Variants in CENPA observed in about 807,000 individuals in gnomAD.
CENPA encodes histone H3-like centromeric protein A.
CENPA carries 7 observed loss-of-function variants against 17.2 expected under a neutral mutation model. The observed-to-expected ratio is 0.41, with a 90% CI of 0.23 to 0.76. The LOEUF (loss-of-function observed/expected upper bound fraction) is 0.76, where lower values mean the gene tolerates loss of function less well. CENPA is among the 30% of genes least tolerant of loss of function. CENPA has a pLI of 0.34. For synonymous variants in CENPA, 82 were observed against 77.4 expected (o/e 1.06, Z -0.31); for missense variants, 149 against 193.1 (o/e 0.77, Z 1.35).
At chr2:26,787,773 T>C (rs1309490436) in intron 1 of CENPA, among the ~76,000 whole-genome samples, 1 of 152,204 alleles carries the variant, frequency 6.6e-6, no homozygotes. Context: ...ATGGGATTTT[T>C]TTTCTTTCCC....
intron 2 of CENPA, chr2:26,792,516 C>G: frequency 1.4e-6 from 1 of 713,260 alleles, no homozygotes; most frequent in Non-Finnish European, 2.6e-6. Flanking sequence ...CTTTTCCTAT[C>G]CTGGGAGATT....
intron 1 of CENPA, among the ~76,000 whole-genome samples, chr2:26,789,008 T>C (rs368315335): frequency 2.0e-5 from 3 of 152,278 alleles, no homozygotes; most frequent in African/African-American, 7.2e-5. Flanking sequence ...GGCAGGAGTG[T>C]TTCCTTGACC....
At chr2:26,787,493 G>A (rs1020564865) in intron 1 of CENPA, among the ~76,000 whole-genome samples, 1 of 151,760 alleles carries the variant, frequency 6.6e-6, no homozygotes, top group Admixed American at 6.6e-5. Flanking sequence ...GGGATTACAG[G>A]CGTGAGCCAC....
At chr2:26,793,370 A>T in intron 4 of CENPA, 44 bp downstream of exon 4, 9 of 1,520,016 alleles carry the variant, frequency 5.9e-6, no homozygotes, top group Non-Finnish European at 8.0e-6. Flanking sequence ...GAATTTCTCA[A>T]GTAATTTCCT....
chr2:26,791,734 T>G (rs1007327843), intron 1 of CENPA, among the ~76,000 whole-genome samples: 1 of 152,208 alleles, frequency 6.6e-6, no homozygotes, highest in African/African-American at 2.4e-5. Flanking sequence ...GATCTAAGAC[T>G]TGTACAAAGT....
At chr2:26,792,668 C>A (rs78821247) in intron 2 of CENPA, 88 bp from the exon 3 acceptor site, 3 of 1,125,644 alleles carry the variant, frequency 2.7e-6, no homozygotes, top group African/African-American at 3.1e-5. Context: ...GGAAGATTCA[C>A]TGGAACTCAT....
intron 1 of CENPA, among the ~76,000 whole-genome samples, chr2:26,790,262 T>C (rs963892317): frequency 6.6e-6 from 1 of 152,230 alleles, no homozygotes. Flanking sequence ...GATCTTTAGT[T>C]GTGTTCATCT....
chr2:26,787,621 T>G (rs1339220014), intron 1 of CENPA, among the ~76,000 whole-genome samples: 1 of 151,952 alleles, frequency 6.6e-6, no homozygotes, highest in African/African-American at 2.4e-5. Context: ...GCTCAGGTGC[T>G]TCTCCCAGCT....
Position 26,793,136 on chromosome 2 carries a change from T to C in CENPA, c.289-9T>C. The C allele has an allele frequency of 6.2e-7, 1 of 1,613,896 alleles. No homozygotes were observed. The highest frequency in any genetic ancestry group is 1.3e-5 in the African/African-American group (1 of 75,060). On this transcript the variant is annotated splice_polypyrimidine_tract_variant and intron_variant, in intron 3 of 4. Transcript: ENST00000335756. ...ATCTGTGTCCGTCTTTTTCTCTTTC[T>C]GTCTCCAGGCAGCAGAAGCATTTCT... is the stretch of plus-strand genomic sequence containing the variant.
At chr2:26,788,346 T>C (rs962591323) in intron 1 of CENPA, among the ~76,000 whole-genome samples, 1 of 152,024 alleles carries the variant, frequency 6.6e-6, no homozygotes, top group African/African-American at 2.4e-5. Flanking sequence ...AGAGACAAAT[T>C]GTTTTGTCTC....
rs35243998 is a variant in CENPA, at chr2:26,793,189, C to G, written c.333C>G (p.Leu111=). 1,119 of 1,614,196 alleles carry G rather than the reference C, an allele frequency of 6.9e-4. 2 individuals carry two copies. The African/African-American group carries it at 0.014, about 20-fold the overall frequency. Residue 111 remains leucine (L), a synonymous_variant, in exon 4 of 5, where the codon CTC becomes CTG. Coordinates refer to ENST00000335756, the MANE Select transcript of CENPA (RefSeq NM_001809.4). ...FLVHLFEDAY[L]LTLHAGRVTL... ...TTCATCTCTTTGAGGACGCCTATCT[C>G]CTCACCTTACATGCAGGCCGAGTTA...
In CENPA at chr2:26,786,202, C is replaced by T. The variant is rs1664504995; in HGVS notation, c.6C>T (p.Gly2=). 2 of 1,443,008 alleles carry T rather than the reference C, an allele frequency of 1.4e-6. No individual in the cohort carries two copies. Among genetic ancestry groups the T allele is most frequent in the African/African-American group, 1.5e-5 (1 of 67,246 alleles). 89.4% of individuals were successfully genotyped at this position (1,443,008 alleles called of 1,614,324 possible). ...AGCACCCTCTGCGGCGTGTCATGGG[C>T]CCGCGCCGCCGGAGCCGAAAGCCCG... M[G]PRRRSRKPEA... Residue 2 remains glycine (G), a synonymous_variant, in exon 1 of 5, where the codon GGC becomes GGT. Coordinates refer to ENST00000335756, the MANE Select transcript of CENPA (RefSeq NM_001809.4).
At chr2:26,788,414 T>C (rs1220235537) in intron 1 of CENPA, among the ~76,000 whole-genome samples, 1 of 152,158 alleles carries the variant, frequency 6.6e-6, no homozygotes, top group Non-Finnish European at 1.5e-5. Flanking sequence ...TTCTTGCTTT[T>C]CCATTCTCCC....
chr2:26,792,064 T>C, intron 1 of CENPA, 67 bp from the exon 2 acceptor site: 1 of 1,345,580 alleles, frequency 7.4e-7, no homozygotes. Flanking sequence ...ATTTGACAGC[T>C]TACCTGACTC....
Position 26,792,138 on chromosome 2 carries a change from C to T in CENPA, c.108C>T (p.Ser36=), listed in dbSNP as rs780148367. The T allele has an allele frequency of 2.5e-6, 4 of 1,613,796 alleles. No homozygotes were observed. In the East Asian group the frequency reaches 8.9e-5, roughly 36 times the overall value. The stretch of plus-strand genomic sequence containing the variant: ...TACCTTTCTTTTGCTCAGGCGCTTC[C>T]TCCCATCAACACAGTCGGCGGAGAC... The part of the protein sequence containing the change: ...PSRRGPSLGA[S]SHQHSRRRQG... Residue 36 remains serine (S), a synonymous_variant, in exon 2 of 5, where the codon TCC becomes TCT. Coordinates refer to ENST00000335756, the MANE Select transcript of CENPA (RefSeq NM_001809.4).
intron 2 of CENPA, 132 bp downstream of exon 2, chr2:26,792,372 T>C: frequency 1.4e-6 from 1 of 718,724 alleles, no homozygotes; most frequent in South Asian, 1.7e-5. Context: ...AGGGGATTCT[T>C]TTCTGAAAAC....
Position 26,793,618 on chromosome 2 carries a change from A to G in CENPA, c.*48-194A>G, listed in dbSNP as rs113735880. On this transcript the variant is annotated intron_variant, in intron 4 of 4. Transcript: ENST00000335756. ...AGTGTTGCCATCGTGGCTCACTGCA[A>G]CTCCTGCCTTGGCCTCCCAAAGTGT... 1.6e-3 allele frequency among the ~76,000 whole-genome samples: 242 copies of G among 152,300 alleles called. 1 individual carries two copies. Among genetic ancestry groups the G allele is most frequent in the African/African-American group, 5.6e-3 (232 of 41,556 alleles).
chr2:26,786,496 C>T (rs1664510620), intron 1 of CENPA, among the ~76,000 whole-genome samples, 200 bp downstream of exon 1: 1 of 152,280 alleles, frequency 6.6e-6, no homozygotes, highest in Non-Finnish European at 1.5e-5. Flanking sequence ...AAGGGACCGG[C>T]TTAGCCACTT....
At position 26,786,171 on chromosome 2, in the gene CENPA, G is replaced by A. The variant is rs1406727556; in HGVS notation, c.-26G>A. ...AGCCCGAGCAGGAGCCGTGGGACCG[G>A]GCGCCAGCACCCTCTGCGGCGTGTC... On this transcript the variant is annotated 5_prime_UTR_variant, in exon 1 of 5. Coordinates refer to ENST00000335756, the MANE Select transcript of CENPA (RefSeq NM_001809.4). 1.4e-6 allele frequency: 2 copies of A among 1,421,548 alleles called. No individual in the cohort carries two copies. Among genetic ancestry groups the A allele is most frequent in the Non-Finnish European group, 1.8e-6 (2 of 1,094,536 alleles). 88.1% of individuals were successfully genotyped at this position (1,421,548 alleles called of 1,614,324 possible).
Sources: allele counts gnomAD v4.1 joint callset (sites outside exome capture counted in the v4.1 genomes callset), GRCh38; gene constraint gnomAD v4.1.1; transcripts MANE v1.5; gene names NCBI Gene and HGNC (gene_info 2026-07-23, HGNC 2026-07-21).